Variants in SNTG1 observed in about 807,000 individuals in gnomAD.
SNTG1 encodes the protein gamma-1-syntrophin.
SNTG1 carries 39 observed loss-of-function variants against 74.7 expected under a neutral mutation model. The observed-to-expected ratio is 0.52, with a 90% CI of 0.40 to 0.68. The LOEUF (loss-of-function observed/expected upper bound fraction) is 0.68. Among genes scored for constraint, SNTG1 ranks in the 30% least tolerant of loss-of-function variants. SNTG1 has a pLI of 0.00. For missense variants in SNTG1, 685 were observed against 609.5 expected (o/e 1.12, Z -1.30); for synonymous variants, 254 against 217.1 (o/e 1.17, Z -1.49).
chr8:50,234,225 G>C (rs948050940), intron 2 of SNTG1, among the ~76,000 whole-genome samples: 3 of 151,794 alleles, frequency 2.0e-5, no homozygotes, highest in African/African-American at 7.2e-5. Flanking sequence ...TCAGTAAAAA[G>C]GAATGAACTA....
intron 2 of SNTG1, among the ~76,000 whole-genome samples, chr8:50,259,703 A>G (rs896651962): frequency 6.6e-6 from 1 of 152,102 alleles, no homozygotes; most frequent in Admixed American, 6.5e-5. Flanking sequence ...GAAGTTGTCA[A>G]TTTCATTCAC....
At chr8:50,574,798 G>C (rs544227307) in intron 12 of SNTG1, among the ~76,000 whole-genome samples, 1 of 151,866 alleles carries the variant, frequency 6.6e-6, no homozygotes, top group Non-Finnish European at 1.5e-5. Flanking sequence ...GATTTTTTTG[G>C]TGTACCAGTC....
chr8:50,455,875 A>G (rs1423216573), intron 8 of SNTG1, among the ~76,000 whole-genome samples: 1 of 152,194 alleles, frequency 6.6e-6, no homozygotes, highest in East Asian at 1.9e-4. Context: ...CAATCTGGAA[A>G]TAGGTTTTGA....
intron 2 of SNTG1, among the ~76,000 whole-genome samples, chr8:50,223,438 G>A (rs1586751529): frequency 6.6e-6 from 1 of 152,060 alleles, no homozygotes; most frequent in Admixed American, 6.6e-5. Flanking sequence ...TTAAAAATTA[G>A]CAACAGGAAT....
intron 17 of SNTG1, among the ~76,000 whole-genome samples, chr8:50,741,211 A>G (rs1029182403): frequency 3.3e-5 from 5 of 151,872 alleles, no homozygotes; most frequent in African/African-American, 9.7e-5. Flanking sequence ...CGCAACACTC[A>G]CCTCCTGGGT....
At chr8:49,950,369 G>A (rs997141446) in intron 1 of SNTG1, among the ~76,000 whole-genome samples, 1 of 152,106 alleles carries the variant, frequency 6.6e-6, no homozygotes, top group Non-Finnish European at 1.5e-5. Flanking sequence ...CAATTGGAAT[G>A]ATTTTGAAAA....
chr8:50,163,133 A>AG (rs2082482970), intron 1 of SNTG1, among the ~76,000 whole-genome samples: 1 of 152,134 alleles, frequency 6.6e-6, no homozygotes, highest in African/African-American at 2.4e-5. Context: ...CCCTCCAGGG[A>AG]GGCCCTTTCT....
At chr8:50,335,578 T>C (rs139059271) in intron 2 of SNTG1, among the ~76,000 whole-genome samples, 2 of 152,160 alleles carry the variant, frequency 1.3e-5, no homozygotes, top group African/African-American at 4.8e-5. Flanking sequence ...AAAACCAGTA[T>C]GGTTGAATCA....
At chr8:49,946,763 A>G (rs1325458388) in intron 1 of SNTG1, among the ~76,000 whole-genome samples, 3 of 152,178 alleles carry the variant, frequency 2.0e-5, no homozygotes, top group African/African-American at 4.8e-5. Context: ...TTTTACCTAG[A>G]CAAAATCTAA....
chr8:50,427,509 G>A (rs2093178240), intron 4 of SNTG1, among the ~76,000 whole-genome samples: 1 of 152,028 alleles, frequency 6.6e-6, no homozygotes, highest in Non-Finnish European at 1.5e-5. Context: ...GCTCACCACA[G>A]CCTCAAACTA....
At chr8:50,126,005 A>G (rs931603038) in intron 1 of SNTG1, among the ~76,000 whole-genome samples, 3 of 152,178 alleles carry the variant, frequency 2.0e-5, no homozygotes, top group African/African-American at 7.2e-5. Context: ...CTGGTTGTGT[A>G]GGTGAACTTT....
intron 1 of SNTG1, among the ~76,000 whole-genome samples, chr8:49,930,320 C>T (rs1437176301): frequency 1.3e-5 from 2 of 151,842 alleles, no homozygotes; most frequent in Non-Finnish European, 2.9e-5. Context: ...CAAGGTTATT[C>T]TATTCAAAAA....
At position 50,711,074 on chromosome 8, in the gene SNTG1, C is replaced by G. The variant is rs529935203; in HGVS notation, c.1284+2096C>G. Among the ~76,000 whole-genome samples, 9 of 152,260 alleles carry G rather than the reference C, an allele frequency of 5.9e-5. No homozygotes were observed. The South Asian group carries it at 1.5e-3, about 25-fold the overall frequency. On this transcript the variant is annotated intron_variant, in intron 17 of 18. Coordinates refer to ENST00000642720, the MANE Select transcript of SNTG1 (RefSeq NM_018967.5). ...TGTCAGACATAAGGAGGAGGACAAG[C>G]ATAAATGGAGATTCCTGGGCAACCC...
At chr8:50,554,477 CT>C (rs11435822) in intron 12 of SNTG1, among the ~76,000 whole-genome samples, 205 of 141,064 alleles carry the variant, frequency 1.5e-3, no homozygotes, top group Middle Eastern at 7.5e-3. Context: ...ACAGATTTTC[CT>C]TTTTTTTTTT....
intron 13 of SNTG1, among the ~76,000 whole-genome samples, chr8:50,624,664 C>T (rs751268866): frequency 6.6e-6 from 1 of 152,130 alleles, no homozygotes; most frequent in Non-Finnish European, 1.5e-5. Flanking sequence ...AAGTCATACA[C>T]GTTTTGTGAA....
intron 1 of SNTG1, among the ~76,000 whole-genome samples, chr8:49,921,955 G>A (rs1806583547): frequency 6.6e-6 from 1 of 152,074 alleles, no homozygotes; most frequent in African/African-American, 2.4e-5. Flanking sequence ...TCAGATAACG[G>A]TGTCTCTTTT....
chr8:50,672,049 T>TG (rs974437610), intron 15 of SNTG1, among the ~76,000 whole-genome samples: 7 of 52,286 alleles, frequency 1.3e-4, no homozygotes, highest in Admixed American at 3.1e-4. Flanking sequence ...TGTTGTGGGG[T>TG]GGGGGGAGGG....
chr8:50,726,596 T>C (rs1441850737), intron 17 of SNTG1, among the ~76,000 whole-genome samples: 1 of 152,220 alleles, frequency 6.6e-6, no homozygotes, highest in East Asian at 1.9e-4. Flanking sequence ...ACGCCTGTAA[T>C]CCCAGCTCTT....
rs145296688 is a variant in SNTG1 at position 50,602,122 on chromosome 8, A to G, written c.849+11205A>G. Among the ~76,000 whole-genome samples, 607 of 152,120 alleles carry G rather than the reference A, an allele frequency of 4.0e-3. 4 individuals carry two copies. The highest frequency in any genetic ancestry group is 0.013 in the African/African-American group (554 of 41,496). On this transcript the variant is annotated intron_variant, in intron 13 of 18. Transcript: ENST00000642720. ...GGTTAGTCTATTTACATTCAATGTTATTATTGATAAGTAAGGACTTACTCT... is the reference window on the plus strand; with the variant it reads ...GGTTAGTCTATTTACATTCAATGTTGTTATTGATAAGTAAGGACTTACTCT...
Sources: allele counts gnomAD v4.1 joint callset (sites outside exome capture counted in the v4.1 genomes callset), GRCh38; gene constraint gnomAD v4.1.1; transcripts MANE v1.5; gene names NCBI Gene and HGNC (gene_info 2026-07-23, HGNC 2026-07-21).